Variants in SH3GL2 observed in about 807,000 individuals in gnomAD.
The protein encoded by SH3GL2 is endophilin-A1.
In SH3GL2, 24 loss-of-function variants were observed where a neutral mutation model predicts 46.0. That is an observed-to-expected ratio of 0.52 (90% CI 0.38 to 0.73). The LOEUF (loss-of-function observed/expected upper bound fraction) is 0.73. Among genes scored for constraint, SH3GL2 ranks in the 30% least tolerant of loss-of-function variants. SH3GL2 has a pLI of 0.00. For missense variants in SH3GL2, 413 were observed against 424.2 expected (o/e 0.97, Z 0.23); for synonymous variants, 196 against 147.1 (o/e 1.33, Z -2.40).
chr9:17,765,521 G>C (rs1374670147), intron 3 of SH3GL2, among the ~76,000 whole-genome samples: 1 of 152,174 alleles, frequency 6.6e-6, no homozygotes, highest in Non-Finnish European at 1.5e-5. Context: ...ATTTTAAAAA[G>C]CAAATTTGGT....
intron 3 of SH3GL2, among the ~76,000 whole-genome samples, chr9:17,771,226 C>A (rs1395187230): frequency 6.6e-6 from 1 of 152,182 alleles, no homozygotes; most frequent in Non-Finnish European, 1.5e-5. Flanking sequence ...CTGTCACTGT[C>A]TTTTCAGCTT....
chr9:17,620,216 C>G (rs1819105446), intron 1 of SH3GL2, among the ~76,000 whole-genome samples: 1 of 152,126 alleles, frequency 6.6e-6, no homozygotes, highest in Non-Finnish European at 1.5e-5. Flanking sequence ...ATACTCTGAC[C>G]TGAATCTTAC....
At chr9:17,608,268 C>A (rs993942391) in intron 1 of SH3GL2, among the ~76,000 whole-genome samples, 2 of 151,376 alleles carry the variant, frequency 1.3e-5, no homozygotes, top group Non-Finnish European at 2.9e-5. Flanking sequence ...CTGCCTCAGC[C>A]TCCCGAGTAT....
At chr9:17,662,859 G>T (rs1056409742) in intron 1 of SH3GL2, among the ~76,000 whole-genome samples, 1 of 152,116 alleles carries the variant, frequency 6.6e-6, no homozygotes, top group South Asian at 2.1e-4. Context: ...ACAGGCATCC[G>T]CCACCACGCC....
chr9:17,613,533 G>A (rs1818915250), intron 1 of SH3GL2, among the ~76,000 whole-genome samples: 1 of 152,164 alleles, frequency 6.6e-6, no homozygotes, highest in African/African-American at 2.4e-5. Flanking sequence ...CACCCTAGAG[G>A]AAGGTAACAT....
At chr9:17,645,151 CTTTTTTTTTTTT>C (rs57611978) in intron 1 of SH3GL2, among the ~76,000 whole-genome samples, 1 of 68,780 alleles carries the variant, frequency 1.5e-5, no homozygotes, top group Non-Finnish European at 2.7e-5. Flanking sequence ...GCAAACGCTG[CTTTTTTTTTTTT>C]TTTTTTTTTT....
At chr9:17,587,736 G>C (rs1385724031) in intron 1 of SH3GL2, among the ~76,000 whole-genome samples, 1 of 152,108 alleles carries the variant, frequency 6.6e-6, no homozygotes, top group African/African-American at 2.4e-5. Context: ...AAATTAGCCA[G>C]GCATGGTGGC....
At chr9:17,635,374 C>G (rs1054902532) in intron 1 of SH3GL2, among the ~76,000 whole-genome samples, 16 of 152,206 alleles carry the variant, frequency 1.1e-4, no homozygotes, top group African/African-American at 3.9e-4. Context: ...TTTCTTTATC[C>G]AGTCTATCAT....
intron 3 of SH3GL2, among the ~76,000 whole-genome samples, chr9:17,778,781 C>T (rs986712572): frequency 3.3e-5 from 5 of 151,908 alleles, no homozygotes; most frequent in South Asian, 4.1e-4. Context: ...TAGAGCTGAC[C>T]GAATTTGCTG....
intron 1 of SH3GL2, among the ~76,000 whole-genome samples, chr9:17,600,504 T>C (rs2134562364): frequency 6.6e-6 from 1 of 152,332 alleles, no homozygotes; most frequent in East Asian, 1.9e-4. Flanking sequence ...TTAATAAAGC[T>C]TTAATTATGG....
intron 1 of SH3GL2, among the ~76,000 whole-genome samples, chr9:17,595,781 T>C (rs1000387420): frequency 2.0e-4 from 31 of 152,260 alleles, no homozygotes; most frequent in Middle Eastern, 3.4e-3. Flanking sequence ...ATAAAGCAGA[T>C]ATGTAATATG....
At chr9:17,760,439 C>G (rs748767881) in intron 2 of SH3GL2, among the ~76,000 whole-genome samples, 9 of 151,604 alleles carry the variant, frequency 5.9e-5, no homozygotes, top group Non-Finnish European at 1.3e-4. Flanking sequence ...ATATTATATA[C>G]CGGTATATAT....
At chr9:17,739,133 T>G (rs1276159143) in intron 1 of SH3GL2, among the ~76,000 whole-genome samples, 1 of 152,112 alleles carries the variant, frequency 6.6e-6, no homozygotes, top group Non-Finnish European at 1.5e-5. Flanking sequence ...GTTTGTAGTT[T>G]CAATTCACAA....
intron 1 of SH3GL2, among the ~76,000 whole-genome samples, chr9:17,696,682 A>G (rs1821211454): frequency 6.6e-6 from 1 of 152,184 alleles, no homozygotes; most frequent in Non-Finnish European, 1.5e-5. Flanking sequence ...GGAACTGCCC[A>G]CATGATTCCA....
intron 1 of SH3GL2, among the ~76,000 whole-genome samples, chr9:17,732,460 C>T (rs1288677332): frequency 1.3e-5 from 2 of 152,126 alleles, no homozygotes; most frequent in Non-Finnish European, 2.9e-5. Context: ...GAGCATATAT[C>T]AGGCCTACAT....
At chr9:17,681,311 C>T (rs1820760783) in intron 1 of SH3GL2, among the ~76,000 whole-genome samples, 1 of 152,266 alleles carries the variant, frequency 6.6e-6, no homozygotes, top group Middle Eastern at 3.4e-3. Flanking sequence ...TAGTACTTTA[C>T]AGTGTTACCA....
chr9:17,722,831 C>T (rs1394761945), intron 1 of SH3GL2, among the ~76,000 whole-genome samples: 1 of 151,978 alleles, frequency 6.6e-6, no homozygotes, highest in African/African-American at 2.4e-5. Context: ...ACTAGGATTC[C>T]AGTAGGATGT....
chr9:17,725,382 G>C (rs57062313), intron 1 of SH3GL2, among the ~76,000 whole-genome samples: 1 of 152,062 alleles, frequency 6.6e-6, no homozygotes, highest in Non-Finnish European at 1.5e-5. Flanking sequence ...TTGGTCCACC[G>C]TTTCACTTAT....
At chr9:17,767,310 G>A (rs1438111094) in intron 3 of SH3GL2, among the ~76,000 whole-genome samples, 3 of 152,164 alleles carry the variant, frequency 2.0e-5, no homozygotes, top group Admixed American at 6.5e-5. Flanking sequence ...AATATTGCCT[G>A]TGGAAATAAA....
Sources: allele counts gnomAD v4.1 joint callset (sites outside exome capture counted in the v4.1 genomes callset), GRCh38; gene constraint gnomAD v4.1.1; transcripts MANE v1.5; gene names NCBI Gene and HGNC (gene_info 2026-07-23, HGNC 2026-07-21).